Variants in TMEM156 observed in about 807,000 individuals in gnomAD.
The protein encoded by TMEM156 is transmembrane protein 156.
A neutral mutation model predicts 30.5 loss-of-function variants in TMEM156; 28 were observed. The ratio of observed to expected loss-of-function variants is 0.92; its 90% CI spans 0.68 to 1.26. TMEM156 has a LOEUF of 1.26. TMEM156 is among the 50% of genes most tolerant of loss of function. The pLI is 0.00. For synonymous variants in TMEM156, 137 were observed against 119.9 expected, an observed-to-expected ratio of 1.14 and a Z score of -0.93; for missense variants, 351 against 340.6, an observed-to-expected ratio of 1.03 and a Z score of -0.24.
At chr4:39,019,805 G>A (rs1348247069) in intron 1 of TMEM156, among the ~76,000 whole-genome samples, 3 of 152,150 alleles carry the variant, frequency 2.0e-5, no homozygotes, top group Admixed American at 2.0e-4. Flanking sequence ...TCGTTTGTGT[G>A]TGGCGAGAAC....
intron 1 of TMEM156, among the ~76,000 whole-genome samples, chr4:39,030,602 T>G (rs576029638): frequency 3.3e-5 from 5 of 152,324 alleles, no homozygotes; most frequent in South Asian, 2.1e-4. Context: ...AATGAAAACC[T>G]TTAACATGCT....
At chr4:39,011,008 T>C (rs1714075325) in intron 1 of TMEM156, among the ~76,000 whole-genome samples, 1 of 152,034 alleles carries the variant, frequency 6.6e-6, no homozygotes, top group Non-Finnish European at 1.5e-5. Flanking sequence ...ATTTGTAAAC[T>C]ATGGATCTTA....
chr4:38,995,138 C>T (rs1467429291), intron 2 of TMEM156, among the ~76,000 whole-genome samples: 1 of 152,166 alleles, frequency 6.6e-6, no homozygotes. Flanking sequence ...GTCAGTCTCC[C>T]TGTGTCCATG....
Position 39,016,568 on chromosome 4 carries a change from C to G in TMEM156, c.88+15658G>C, listed in dbSNP as rs61532895. ...AAAGTTATATGTTTTGGTAATATTG[C>G]ATAAGTTTAAACAGATAGTATTTTT... On this transcript the variant is annotated intron_variant, in intron 1 of 6. Transcript: ENST00000381938. Among the ~76,000 whole-genome samples the G allele has an allele frequency of 4.3e-4, 66 of 152,148 alleles. 1 individual carries two copies. The highest frequency in any genetic ancestry group is 1.5e-3 in the African/African-American group (62 of 41,514).
intron 5 of TMEM156, among the ~76,000 whole-genome samples, chr4:38,978,481 T>C (rs759943857): frequency 2.6e-5 from 4 of 152,314 alleles, no homozygotes; most frequent in East Asian, 1.9e-4. Context: ...ATGGGCTGAA[T>C]GATCAAAAGA....
At chr4:39,019,808 G>A (rs1306512840) in intron 1 of TMEM156, among the ~76,000 whole-genome samples, 1 of 151,952 alleles carries the variant, frequency 6.6e-6, no homozygotes, top group African/African-American at 2.4e-5. Flanking sequence ...TTTGTGTGTG[G>A]CGAGAACATT....
At chr4:39,025,592 T>C (rs551538598) in intron 1 of TMEM156, among the ~76,000 whole-genome samples, 1 of 152,268 alleles carries the variant, frequency 6.6e-6, no homozygotes, top group South Asian at 2.1e-4. Context: ...TTGAAATGTT[T>C]GCTGGAGGCA....
chr4:38,975,508 G>A (rs6854606), intron 5 of TMEM156, among the ~76,000 whole-genome samples: 37,437 of 151,042 alleles, frequency 0.25, 4,717 homozygotes, highest in East Asian at 0.32. Flanking sequence ...TCAGACTCCC[G>A]AGTAGCTGGA....
At chr4:38,994,238 C>T (rs1712761653) in intron 2 of TMEM156, among the ~76,000 whole-genome samples, 2 of 152,256 alleles carry the variant, frequency 1.3e-5, no homozygotes, top group South Asian at 2.1e-4. Context: ...AATCCTCCCA[C>T]CTTAGCCTCC....
At chr4:39,016,349 G>A (rs1714481516) in intron 1 of TMEM156, among the ~76,000 whole-genome samples, 1 of 150,510 alleles carries the variant, frequency 6.6e-6, no homozygotes, top group African/African-American at 2.4e-5. Flanking sequence ...CTCCAGGCTG[G>A]GCAACACAGC....
In TMEM156 at chr4:38,986,851, AG is replaced by A. The variant is rs1255672625; in HGVS notation, c.740-433del. Among the ~76,000 whole-genome samples the A allele has an allele frequency of 2.7e-3, 358 of 132,374 alleles. 3 individuals carry two copies. Among genetic ancestry groups the A allele is most frequent in the Non-Finnish European group, 5.0e-3 (305 of 61,434 alleles). The allele number at this position is 132,374 out of a possible 152,430, so 86.8% of individuals were successfully genotyped here. On this transcript the variant is annotated intron_variant, in intron 4 of 6. Coordinates refer to ENST00000381938, the MANE Select transcript of TMEM156 (RefSeq NM_024943.3). Reference sequence around the variant, plus strand: ...AAAAAAAAAAAAAAAAAAAAAAAAAAGGAAAGCGACAGCTCTTATACACAGA... The same window carrying A: ...AAAAAAAAAAAAAAAAAAAAAAAAAAGAAAGCGACAGCTCTTATACACAGA...
chr4:38,982,244 C>T (rs1356836759), intron 5 of TMEM156, among the ~76,000 whole-genome samples: 3 of 152,150 alleles, frequency 2.0e-5, no homozygotes, highest in African/African-American at 4.8e-5. Flanking sequence ...CTTTGGGACT[C>T]GGACTGGCTT....
At chr4:39,021,713 T>C (rs1221423626) in intron 1 of TMEM156, among the ~76,000 whole-genome samples, 4 of 152,230 alleles carry the variant, frequency 2.6e-5, no homozygotes, top group Admixed American at 2.0e-4. Flanking sequence ...AATAATTGCC[T>C]AGAACAATGT....
intron 1 of TMEM156, among the ~76,000 whole-genome samples, chr4:39,012,678 C>G (rs1391818854): frequency 1.3e-5 from 2 of 151,804 alleles, no homozygotes; most frequent in Non-Finnish European, 2.9e-5. Flanking sequence ...TGGTGGCTCA[C>G]GCCTGCAATC....
At chr4:39,012,040 A>G (rs1714159191) in intron 1 of TMEM156, among the ~76,000 whole-genome samples, 1 of 152,186 alleles carries the variant, frequency 6.6e-6, no homozygotes, top group African/African-American at 2.4e-5. Flanking sequence ...GAAGGAAGCA[A>G]GGGCTTAAAA....
At chr4:38,999,729 G>T (rs577542625) in intron 1 of TMEM156, among the ~76,000 whole-genome samples, 2 of 152,252 alleles carry the variant, frequency 1.3e-5, no homozygotes, top group African/African-American at 2.4e-5. Flanking sequence ...TCTGTTCCTT[G>T]GCCCTCTGGT....
intron 3 of TMEM156, among the ~76,000 whole-genome samples, chr4:38,989,495 G>A (rs576606223): frequency 6.6e-4 from 100 of 152,304 alleles, no homozygotes; most frequent in South Asian, 2.1e-3. Context: ...GGTAATAGGC[G>A]GTAAGTACAG....
intron 5 of TMEM156, among the ~76,000 whole-genome samples, chr4:38,979,933 C>CATTCTGTATAGGGG (rs1723095951): frequency 6.6e-6 from 1 of 152,178 alleles, no homozygotes; most frequent in Non-Finnish European, 1.5e-5. Context: ...ATCATTCTGA[C>CATTCTGTATAGGGG]CTTTTCATCA....
At chr4:39,021,331 G>A (rs529934692) in intron 1 of TMEM156, among the ~76,000 whole-genome samples, 3 of 149,526 alleles carry the variant, frequency 2.0e-5, no homozygotes, top group Non-Finnish European at 4.4e-5. Context: ...TTGAGCCCTG[G>A]AGGTCAAGAA....
Sources: allele counts gnomAD v4.1 joint callset (sites outside exome capture counted in the v4.1 genomes callset), GRCh38; gene constraint gnomAD v4.1.1; transcripts MANE v1.5; gene names NCBI Gene and HGNC (gene_info 2026-07-23, HGNC 2026-07-21).